The following UBR3 variants were observed in gnomAD, a reference collection of about 807,000 sequenced individuals.
UBR3 encodes the protein ubiquitin protein ligase E3 component n-recognin 3.
In UBR3, 85 loss-of-function variants were observed where a neutral mutation model predicts 243.2. The observed-to-expected ratio is 0.35, with a 90% CI of 0.29 to 0.42. The LOEUF is 0.42. Ranked by LOEUF, UBR3 falls within the 10% of genes least tolerant of loss-of-function variation. The probability of loss-of-function intolerance (pLI) is 1.00; values close to 1 mark genes in which losing one functional copy is unlikely to be tolerated. For missense variants in UBR3, 1,686 were observed against 2,300.8 expected, an observed-to-expected ratio of 0.73 and a Z score of 5.47; for synonymous variants, 748 against 799.8, an observed-to-expected ratio of 0.94 and a Z score of 1.09.
chr2:169,855,285 G>A (rs907810397), intron 1 of UBR3, among the ~76,000 whole-genome samples: 2 of 151,826 alleles, frequency 1.3e-5, no homozygotes, highest in African/African-American at 4.8e-5. Context: ...TATATAATAC[G>A]CTAATTTGTA....
chr2:169,889,024 C>G (rs1222381407), intron 5 of UBR3, among the ~76,000 whole-genome samples: 1 of 152,098 alleles, frequency 6.6e-6, no homozygotes, highest in Non-Finnish European at 1.5e-5. Flanking sequence ...ACTGGAATTT[C>G]TGTTCCAAAG....
At chr2:169,947,159 A>G (rs2086817458) in intron 21 of UBR3, among the ~76,000 whole-genome samples, 1 of 152,142 alleles carries the variant, frequency 6.6e-6, no homozygotes, top group South Asian at 2.1e-4. Flanking sequence ...AGATTCCTCT[A>G]TGATTAGTGA....
chr2:169,831,107 T>TTTTA (rs1553486390), intron 1 of UBR3, among the ~76,000 whole-genome samples: 9 of 28,738 alleles, frequency 3.1e-4, no homozygotes, highest in South Asian at 4.9e-3. Flanking sequence ...AGTTGGTACA[T>TTTTA]TATATATATA....
At chr2:169,907,329 TA>T (rs1372449834) in intron 10 of UBR3, among the ~76,000 whole-genome samples, 4 of 152,172 alleles carry the variant, frequency 2.6e-5, no homozygotes, top group Non-Finnish European at 5.9e-5. Context: ...AATTAACTTT[TA>T]AAAACTATCT....
intron 1 of UBR3, among the ~76,000 whole-genome samples, chr2:169,865,454 A>G (rs1344375447): frequency 6.6e-6 from 1 of 152,168 alleles, no homozygotes; most frequent in Non-Finnish European, 1.5e-5. Context: ...TTTGACCATT[A>G]AGTTTTTAAT....
At chr2:169,852,966 C>T (rs1258344134) in intron 1 of UBR3, among the ~76,000 whole-genome samples, 1 of 149,420 alleles carries the variant, frequency 6.7e-6, no homozygotes, top group African/African-American at 2.5e-5. Flanking sequence ...AAATTATTAG[C>T]AAACGTGTGT....
intron 27 of UBR3, among the ~76,000 whole-genome samples, chr2:170,002,362 T>C (rs2089743232): frequency 6.6e-6 from 1 of 152,188 alleles, no homozygotes; most frequent in Non-Finnish European, 1.5e-5. Flanking sequence ...TATTAATTCA[T>C]TTACCTGTCT....
intron 10 of UBR3, among the ~76,000 whole-genome samples, chr2:169,906,782 T>C (rs956325238): frequency 2.0e-5 from 3 of 152,280 alleles, no homozygotes; most frequent in Admixed American, 6.5e-5. Flanking sequence ...GCTTCTTTTT[T>C]ACTTGCGTGA....
Position 170,015,266 on chromosome 2 carries a change from A to G in UBR3, c.4368-15A>G. The G allele has an allele frequency of 6.2e-7, 1 of 1,600,344 alleles. No individual in the cohort carries two copies. The highest frequency in any genetic ancestry group is 8.5e-7 in the Non-Finnish European group (1 of 1,170,512). On this transcript the variant is annotated splice_polypyrimidine_tract_variant and intron_variant, in intron 29 of 38. Transcript: ENST00000272793. ...TCTTCAGTTTAATGACTGAGATATA[A>G]TGTTTTACTTACAGAACCAATTTAG... is the stretch of plus-strand genomic sequence containing the variant.
At chr2:169,948,161 A>G (rs562483369) in intron 22 of UBR3, among the ~76,000 whole-genome samples, 2 of 152,004 alleles carry the variant, frequency 1.3e-5, no homozygotes, top group South Asian at 4.1e-4. Flanking sequence ...ACTGAGTATA[A>G]TAGTGTATTT....
rs1483303561 is a variant in UBR3 at position 169,949,729 on chromosome 2, C to T, written c.3209C>T (p.Ser1070Phe). 6.4e-7 allele frequency: 1 copy of T among 1,551,540 alleles called. No individual in the cohort carries two copies. ...VVRPKTSSKW[S>F]APGSAPQLTT... The stretch of plus-strand genomic sequence containing the variant: ...CGTCCCAAAACTTCAAGTAAATGGT[C>T]TGCTCCTGGTTCAGCTCCACAGTTA... The change falls in exon 23 of 39, where the codon TCT (serine) becomes TTT (phenylalanine). Residue 1070 changes from serine to phenylalanine, a missense_variant. This residue lies in a region of UBR3 where 300 missense variants were observed against 314.4 expected (regional missense o/e 0.95). Coordinates refer to ENST00000272793, the MANE Select transcript of UBR3 (RefSeq NM_172070.4).
At position 170,079,835 on chromosome 2, in the gene UBR3, A is replaced by G. The variant is rs771698168; in HGVS notation, c.5221A>G (p.Lys1741Glu). ...TTAGGCCTTGCTTATCCAAGAGTCA[A>G]AATGGAAATTACCACACCTACTACA... is the stretch of plus-strand genomic sequence containing the variant. ...QGKALLIQES[K>E]WKLPHLLQLP... Residue 1741 changes from lysine (K) to glutamate (E), a missense_variant, in exon 37 of 39, where the codon AAA becomes GAA. Transcript: ENST00000272793. 3.7e-6 allele frequency: 6 copies of G among 1,613,248 alleles called. No individual in the cohort carries two copies. The highest frequency in any genetic ancestry group is 5.1e-6 in the Non-Finnish European group (6 of 1,179,792).
chr2:169,876,586 C>G (rs2083626345), intron 3 of UBR3, among the ~76,000 whole-genome samples: 1 of 106,446 alleles, frequency 9.4e-6, no homozygotes, highest in African/African-American at 3.2e-5. Context: ...GAGACAGAGT[C>G]TTGCTCTGTT....
intron 22 of UBR3, 101 bp downstream of exon 22, chr2:169,947,816 G>A (rs1162767472): frequency 6.4e-6 from 8 of 1,249,056 alleles, no homozygotes; most frequent in Non-Finnish European, 8.1e-6. Flanking sequence ...AAAAAAATGT[G>A]GTTGTAGATA....
At chr2:169,939,885 T>C (rs2086512804) in intron 19 of UBR3, among the ~76,000 whole-genome samples, 1 of 152,156 alleles carries the variant, frequency 6.6e-6, no homozygotes, top group Admixed American at 6.6e-5. Flanking sequence ...TCTTTCAATT[T>C]AGTTTGGATT....
At chr2:170,048,481 C>T (rs1420384775) in intron 32 of UBR3, among the ~76,000 whole-genome samples, 1 of 152,158 alleles carries the variant, frequency 6.6e-6, no homozygotes, top group African/African-American at 2.4e-5. Context: ...CATGACTCTT[C>T]CTATAGCTTA....
rs1326845624 is a variant in UBR3, at chr2:169,895,382, T to C, written c.1236+71T>C. ...TTGCCTTTCATTATTAAATCTTTTT[T>C]TGATATATTTCTCAGGTGAAGGTTG... On this transcript the variant is annotated intron_variant, in intron 7 of 38. Coordinates refer to ENST00000272793, the MANE Select transcript of UBR3 (RefSeq NM_172070.4). The C allele has an allele frequency of 7.6e-6, 11 of 1,450,644 alleles. No homozygotes were observed. The Admixed American group carries it at 3.0e-4, about 39-fold the overall frequency. The allele number at this position is 1,450,644 out of a possible 1,614,324, so 89.9% of individuals were successfully genotyped here. A position where few individuals can be genotyped will look rare whatever the true frequency, so the allele number is the denominator to read the frequency against.
At chr2:169,935,148 A>G (rs1352133886) in intron 19 of UBR3, among the ~76,000 whole-genome samples, 1 of 152,200 alleles carries the variant, frequency 6.6e-6, no homozygotes, top group South Asian at 2.1e-4. Context: ...AGAAAAGCTC[A>G]GTGAAAATAT....
intron 1 of UBR3, among the ~76,000 whole-genome samples, chr2:169,833,365 C>T (rs2081996045): frequency 6.6e-6 from 1 of 152,156 alleles, no homozygotes; most frequent in South Asian, 2.1e-4. Flanking sequence ...ATATTTTTGT[C>T]TCCTTGCTTG....
Sources: gnomAD v4.1 joint callset for allele counts (sites outside exome capture counted in the v4.1 genomes callset) on GRCh38, gnomAD v4.1.1 for gene constraint, gnomAD v4.1.1 regional missense constraint, MANE v1.5 for transcripts, NCBI Gene and HGNC (gene_info 2026-07-23, HGNC 2026-07-21) for gene names.